The following SLIT3 variants were observed in gnomAD, a reference collection of about 807,000 sequenced individuals.
SLIT3 encodes slit guidance ligand 3.
Under a neutral mutation model 184.0 loss-of-function variants are expected in SLIT3, and 68 were observed. That is an observed-to-expected ratio of 0.37 (90% CI 0.30 to 0.45). SLIT3 has a LOEUF of 0.45. SLIT3 is among the 20% of genes least tolerant of loss of function. SLIT3 has a pLI of 1.00. For synonymous variants in SLIT3, 831 were observed against 828.6 expected (o/e 1.00, Z -0.05); for missense variants, 1,707 against 2,026.0 (o/e 0.84, Z 3.02).
In SLIT3 at chr5:169,220,595, C is replaced by T. The variant is rs534559829; in HGVS notation, c.341+24110G>A. Among the ~76,000 whole-genome samples, 18 of 152,024 alleles carry T rather than the reference C, an allele frequency of 1.2e-4. 1 individual carries two copies. Among genetic ancestry groups the T allele is most frequent in the South Asian group, 6.2e-4 (3 of 4,826 alleles). On this transcript the variant is annotated intron_variant, in intron 3 of 35. Coordinates refer to ENST00000519560, the MANE Select transcript of SLIT3 (RefSeq NM_003062.4). ...TTTCTGGAAGCATATAAAAGACAGA[C>T]GACAATAGCTACATTTGGAAAGGGG...
intron 4 of SLIT3, among the ~76,000 whole-genome samples, chr5:169,170,364 G>A (rs1762778525): frequency 6.6e-6 from 1 of 152,220 alleles, no homozygotes; most frequent in Non-Finnish European, 1.5e-5. Flanking sequence ...AAGGAAGAGA[G>A]AGCCCTGCTA....
chr5:168,904,483 A>AAATAAT (rs550517719), intron 4 of SLIT3, among the ~76,000 whole-genome samples: 13 of 82,382 alleles, frequency 1.6e-4, no homozygotes, highest in South Asian at 1.2e-3. Flanking sequence ...CTTACTTTAG[A>AAATAAT]AATAACAATA....
At chr5:169,165,210 A>G (rs1762598731) in intron 4 of SLIT3, among the ~76,000 whole-genome samples, 2 of 152,242 alleles carry the variant, frequency 1.3e-5, no homozygotes, top group African/African-American at 4.8e-5. Flanking sequence ...CAATTTACAC[A>G]AAAGTATGAG....
chr5:169,049,614 T>C (rs72826577), intron 4 of SLIT3, among the ~76,000 whole-genome samples: 2,171 of 152,306 alleles, frequency 0.014, 17 homozygotes, highest in East Asian at 0.027. Flanking sequence ...CTCTAGTTTC[T>C]TTCCACGAAG....
In SLIT3 at chr5:168,755,389, ATTTCTTTCTTTCTTTCTTTCTTTC is replaced by A. The variant is rs139729506; in HGVS notation, c.1686-1406_1686-1383del. On this transcript the variant is annotated intron_variant, in intron 16 of 35. Transcript: ENST00000519560. ...GTCCTATCAAACCCTCAGTGCCGCC[ATTTCTTTCTTTCTTTCTTTCTTTC>A]TTTCTTTCTTTCTTTCTTTCTTTCT... Among the ~76,000 whole-genome samples, 623 of 133,766 alleles carry A rather than the reference ATTTCTTTCTTTCTTTCTTTCTTTC, an allele frequency of 4.7e-3. 25 individuals are homozygous for A. The highest frequency in any genetic ancestry group is 0.028 in the Middle Eastern group (7 of 252). The allele number at this position is 133,766 out of a possible 152,430, so 87.8% of individuals were successfully genotyped here.
intron 4 of SLIT3, among the ~76,000 whole-genome samples, chr5:169,109,732 C>T (rs1760345372): frequency 6.6e-6 from 1 of 152,160 alleles, no homozygotes; most frequent in African/African-American, 2.4e-5. Context: ...GGTGTGTGTT[C>T]CTGCAAAGCT....
At chr5:169,234,779 A>G (rs746479627) in intron 3 of SLIT3, among the ~76,000 whole-genome samples, 1 of 152,192 alleles carries the variant, frequency 6.6e-6, no homozygotes, top group South Asian at 2.1e-4. Flanking sequence ...TTGAATGTTC[A>G]TAATAGGTAG....
At chr5:169,052,203 A>G (rs1757842210) in intron 4 of SLIT3, among the ~76,000 whole-genome samples, 1 of 152,222 alleles carries the variant, frequency 6.6e-6, no homozygotes, top group Admixed American at 6.5e-5. Flanking sequence ...TGGAAACATG[A>G]AAAGAAAATG....
At chr5:169,274,769 AGGGTGTTGGTTATGCACCT>A (rs1199555114) in intron 1 of SLIT3, among the ~76,000 whole-genome samples, 1 of 152,186 alleles carries the variant, frequency 6.6e-6, no homozygotes, top group East Asian at 1.9e-4. Flanking sequence ...CATAGCACCC[AGGGTGTTGGTTATGCACCT>A]GGGCTCTGGA....
In SLIT3 at chr5:168,691,627, A is replaced by T. The variant is rs917520303; in HGVS notation, c.3176+980T>A. ...TAGGGGAGGCTCTGTAAGGTCATTT[A>T]TGGGGTCTGCTAACATCCTGGGGTC... is the stretch of plus-strand genomic sequence containing the variant. On this transcript the variant is annotated intron_variant, in intron 29 of 35. Coordinates refer to ENST00000519560, the MANE Select transcript of SLIT3 (RefSeq NM_003062.4). Among the ~76,000 whole-genome samples the T allele has an allele frequency of 5.9e-5, 9 of 152,136 alleles. No individual in the cohort carries two copies. The South Asian group carries it at 1.2e-3, about 21-fold the overall frequency.
At chr5:169,100,778 T>C (rs1759979751) in intron 4 of SLIT3, among the ~76,000 whole-genome samples, 1 of 152,198 alleles carries the variant, frequency 6.6e-6, no homozygotes, top group Non-Finnish European at 1.5e-5. Context: ...CCTCTCCATC[T>C]TCACCAAAGG....
intron 12 of SLIT3, among the ~76,000 whole-genome samples, chr5:168,785,270 T>C (rs1756114443): frequency 6.6e-6 from 1 of 152,256 alleles, no homozygotes; most frequent in African/African-American, 2.4e-5. Context: ...TTTTCCTTCC[T>C]TCTCCACATC....
rs143318130 is a variant in SLIT3, at chr5:169,036,542, C to A, written c.414-153206G>T. The A allele has an allele frequency of 9.9e-5, 15 of 152,214 alleles. No individual in the cohort carries two copies. The East Asian group carries it at 1.9e-3, about 20-fold the overall frequency. 9.4% of individuals were successfully genotyped at this position (152,214 alleles called of 1,614,324 possible). ...TCTCCCTCCATAAAGAACATCTAAACGCACAGCATTTAATTTCCGAATAGG... is the reference window on the plus strand; with the variant it reads ...TCTCCCTCCATAAAGAACATCTAAAAGCACAGCATTTAATTTCCGAATAGG... On this transcript the variant is annotated intron_variant, in intron 4 of 35. Transcript: ENST00000519560.
chr5:169,257,896 G>A (rs1352263394), intron 1 of SLIT3, among the ~76,000 whole-genome samples: 1 of 150,176 alleles, frequency 6.7e-6, no homozygotes, highest in Non-Finnish European at 1.5e-5. Context: ...AGTTCTGAAA[G>A]GTAGGTAATC....
chr5:169,142,138 G>A (rs1305622871), intron 4 of SLIT3, among the ~76,000 whole-genome samples: 1 of 151,586 alleles, frequency 6.6e-6, no homozygotes, highest in Non-Finnish European at 1.5e-5. Context: ...GGTCATGAGG[G>A]TGCATAATTC....
At chr5:169,143,443 C>T (rs576440849) in intron 4 of SLIT3, among the ~76,000 whole-genome samples, 6 of 152,224 alleles carry the variant, frequency 3.9e-5, no homozygotes, top group Non-Finnish European at 7.3e-5. Context: ...ACACCAAAGT[C>T]GATGCCCTAA....
intron 3 of SLIT3, among the ~76,000 whole-genome samples, chr5:169,209,850 T>C (rs12653684): frequency 0.31 from 47,345 of 151,892 alleles, 8,336 homozygotes; most frequent in East Asian, 0.69. Flanking sequence ...ATGTAGAAGA[T>C]GGTTTGACGG....
chr5:169,088,309 G>A (rs537256559), intron 4 of SLIT3, among the ~76,000 whole-genome samples: 9 of 152,006 alleles, frequency 5.9e-5, no homozygotes, highest in South Asian at 4.2e-4. Flanking sequence ...GACACAGCAC[G>A]TATTACAAAG....
intron 1 of SLIT3, among the ~76,000 whole-genome samples, chr5:169,277,381 C>A (rs979662342): frequency 6.6e-6 from 1 of 152,154 alleles, no homozygotes; most frequent in African/African-American, 2.4e-5. Context: ...CAGGTTTGCA[C>A]CACTATGCCC....
Sources: gnomAD v4.1 joint callset for allele counts (sites outside exome capture counted in the v4.1 genomes callset) on GRCh38, gnomAD v4.1.1 for gene constraint, MANE v1.5 for transcripts, NCBI Gene and HGNC (gene_info 2026-07-23, HGNC 2026-07-21) for gene names.